Variants in SLC35B4 observed in about 807,000 individuals in gnomAD.
SLC35B4 encodes the protein nucleotide sugar transporter SLC35B4.
SLC35B4 carries 28 observed loss-of-function variants against 39.5 expected under a neutral mutation model. The observed-to-expected ratio is 0.71, with a 90% CI of 0.53 to 0.97. The LOEUF is 0.97. SLC35B4 is among the 50% of genes least tolerant of loss of function. The pLI is 0.00. For missense variants in SLC35B4, 334 were observed against 414.3 expected, an observed-to-expected ratio of 0.81 and a Z score of 1.68; for synonymous variants, 145 against 150.4, an observed-to-expected ratio of 0.96 and a Z score of 0.26.
rs891687066 is a variant in SLC35B4, at chr7:134,290,010, G to C, written c.*4823C>G. The C allele has an allele frequency of 6.6e-6, 1 of 152,154 alleles. No individual in the cohort carries two copies. The highest frequency in any genetic ancestry group is 1.5e-5 in the Non-Finnish European group (1 of 68,032). 9.4% of individuals were successfully genotyped at this position (152,154 alleles called of 1,614,324 possible). On this transcript the variant is annotated 3_prime_UTR_variant, in exon 10 of 10. Transcript: ENST00000378509. Reference sequence around the variant, plus strand: ...CAGACCAACAGACAGTGATCTCCAGGCATCAGCTTCAGCTGCTACAAGCTA... The same window carrying C: ...CAGACCAACAGACAGTGATCTCCAGCCATCAGCTTCAGCTGCTACAAGCTA...
At chr7:134,300,950 T>C (rs902162720) in intron 6 of SLC35B4, among the ~76,000 whole-genome samples, 10 of 152,308 alleles carry the variant, frequency 6.6e-5, no homozygotes, top group African/African-American at 2.2e-4. Context: ...CTCTGATTAC[T>C]AGACTAGTGA....
rs563780269 is a variant in SLC35B4, at chr7:134,315,527, C to T, written c.77+1148G>A. On this transcript the variant is annotated intron_variant, in intron 1 of 9. Coordinates refer to ENST00000378509, the MANE Select transcript of SLC35B4 (RefSeq NM_032826.5). ...TTATTAAAAATATTGTATACAATTA[C>T]CTTCAAGCTAAGGTTATGTGTATAA... Among the ~76,000 whole-genome samples the T allele has an allele frequency of 3.3e-5, 5 of 151,968 alleles. No homozygotes were observed. The East Asian group carries it at 9.7e-4, about 29-fold the overall frequency.
chr7:134,306,902 T>C, intron 2 of SLC35B4, 128 bp from the exon 3 acceptor site: 1 of 648,070 alleles, frequency 1.5e-6, no homozygotes, highest in Non-Finnish European at 2.7e-6. Flanking sequence ...ATTGCATCAC[T>C]ATTATGCCAT....
At chr7:134,302,650 T>C (rs1029681622) in intron 4 of SLC35B4, among the ~76,000 whole-genome samples, 1 of 152,128 alleles carries the variant, frequency 6.6e-6, no homozygotes, top group Non-Finnish European at 1.5e-5. Context: ...CATAGTTGGA[T>C]AAGGGGGAGG....
chr7:134,295,840 T>A (rs1803454219), intron 9 of SLC35B4, among the ~76,000 whole-genome samples: 1 of 152,184 alleles, frequency 6.6e-6, no homozygotes, highest in African/African-American at 2.4e-5. Flanking sequence ...GTTCTTTGTT[T>A]GTTTTTTGAG....
intron 2 of SLC35B4, among the ~76,000 whole-genome samples, chr7:134,307,579 GA>G (rs958010881): frequency 2.0e-4 from 30 of 152,200 alleles, no homozygotes; most frequent in African/African-American, 5.5e-4. Flanking sequence ...TTGAGTAAGA[GA>G]AAAAAACAGC....
rs1803587467 is a variant in SLC35B4, at chr7:134,301,795, A to G, written c.453T>C (p.Asn151=). Residue 151 remains asparagine, a synonymous_variant, in exon 6 of 10, where the codon AAT becomes AAC. Transcript: ENST00000378509. ...ACCACACAAATGCCTGGAATCCATC[A>G]TTCTCACTCAAGCTGGACTGGGAAG... The part of the protein sequence containing the change: ...QVTSQSSLSE[N]DGFQAFVWWL... 6.2e-7 allele frequency: 1 copy of G among 1,613,996 alleles called. No homozygotes were observed. Among genetic ancestry groups the G allele is most frequent in the African/African-American group, 1.3e-5 (1 of 74,934 alleles).
At position 134,296,450 on chromosome 7, in the gene SLC35B4, G is replaced by C. The variant is rs759867977; in HGVS notation, c.690C>G (p.Pro230=). ...LFNKSELYEI[P]VIGVTLPIMW... is the part of the protein sequence containing the mutation. ...TGATGGGCAGGGTCACTCCGATGAC[G>C]GGAATTTCATATAACTCTGTAGAGG... is the stretch of plus-strand genomic sequence containing the variant. The change falls in exon 9 of 10, where the codon CCC becomes CCG. Residue 230 remains proline (P), a synonymous_variant. Coordinates refer to ENST00000378509, the MANE Select transcript of SLC35B4 (RefSeq NM_032826.5). 1 of 1,613,454 alleles carries C rather than the reference G, an allele frequency of 6.2e-7. No homozygotes were observed. The highest frequency in any genetic ancestry group is 8.5e-7 in the Non-Finnish European group (1 of 1,179,530).
intron 1 of SLC35B4, among the ~76,000 whole-genome samples, chr7:134,310,915 A>C (rs1017586204): frequency 6.6e-6 from 1 of 152,316 alleles, no homozygotes; most frequent in South Asian, 2.1e-4. Context: ...GTATTATTAC[A>C]TATTAATATA....
Position 134,291,283 on chromosome 7 carries a change from A to AC in SLC35B4, c.*3549dup, listed in dbSNP as rs978516350. On this transcript the variant is annotated 3_prime_UTR_variant, in exon 10 of 10. Coordinates refer to ENST00000378509, the MANE Select transcript of SLC35B4 (RefSeq NM_032826.5). Reference sequence around the variant, plus strand: ...CAGATATTCTCACTATTATGAATGTACCCCCCAATATCAATGCTTGTAAGA... The same window carrying AC: ...CAGATATTCTCACTATTATGAATGTACCCCCCCAATATCAATGCTTGTAAGA... 4.6e-5 allele frequency: 7 copies of AC among 152,044 alleles called. No individual in the cohort carries two copies. The highest frequency in any genetic ancestry group is 7.4e-5 in the Non-Finnish European group (5 of 68,012). 9.4% of individuals were successfully genotyped at this position (152,044 alleles called of 1,614,324 possible).
chr7:134,305,664 C>A (rs1225634939), intron 3 of SLC35B4, among the ~76,000 whole-genome samples: 1 of 152,018 alleles, frequency 6.6e-6, no homozygotes, highest in Non-Finnish European at 1.5e-5. Flanking sequence ...GCACCTTCTA[C>A]CCCCGACCAG....
At chr7:134,305,484 G>T (rs941295845) in intron 3 of SLC35B4, among the ~76,000 whole-genome samples, 2 of 151,998 alleles carry the variant, frequency 1.3e-5, no homozygotes, top group Admixed American at 6.6e-5. Context: ...AAAAAAATTT[G>T]CATATTTGTG....
chr7:134,306,791 A>G lies in SLC35B4; in HGVS notation c.192-17T>C, dbSNP rs1482582386. ...GCATAGTACCTGAAATGCAGACAGA[A>G]CAGCTCATCAAACAGAATCTAGGAT... is the stretch of plus-strand genomic sequence containing the variant. On this transcript the variant is annotated splice_polypyrimidine_tract_variant and intron_variant, in intron 2 of 9. Coordinates refer to ENST00000378509, the MANE Select transcript of SLC35B4 (RefSeq NM_032826.5). The G allele has an allele frequency of 6.4e-7, 1 of 1,574,056 alleles. No individual in the cohort carries two copies. Among genetic ancestry groups the G allele is most frequent in the African/African-American group, 1.3e-5 (1 of 74,094 alleles).
chr7:134,308,681 CTAAA>C (rs935005373), intron 2 of SLC35B4, among the ~76,000 whole-genome samples: 12 of 152,198 alleles, frequency 7.9e-5, no homozygotes, highest in African/African-American at 2.4e-4. Context: ...CATCATCCTA[CTAAA>C]TACTCACAAC....
chr7:134,296,735 GA>G (rs1260926067), intron 8 of SLC35B4, among the ~76,000 whole-genome samples: 2 of 152,110 alleles, frequency 1.3e-5, no homozygotes, highest in Non-Finnish European at 2.9e-5. Flanking sequence ...ACTTTACAAA[GA>G]AAGACTGTGA....
chr7:134,304,605 C>A (rs1029010511), intron 4 of SLC35B4, among the ~76,000 whole-genome samples, 200 bp downstream of exon 4: 1 of 152,066 alleles, frequency 6.6e-6, no homozygotes, highest in Non-Finnish European at 1.5e-5. Flanking sequence ...CACAGAGACA[C>A]CACAGGTGTG....
At chr7:134,296,212 C>G (rs1803462184) in intron 9 of SLC35B4, among the ~76,000 whole-genome samples, 179 bp downstream of exon 9, 1 of 152,234 alleles carries the variant, frequency 6.6e-6, no homozygotes, top group Admixed American at 6.5e-5. Flanking sequence ...ACACCACTAG[C>G]ATCTCTTCTG....
At chr7:134,306,044 G>A (rs1477322278) in intron 3 of SLC35B4, among the ~76,000 whole-genome samples, 3 of 152,142 alleles carry the variant, frequency 2.0e-5, no homozygotes, top group Non-Finnish European at 4.4e-5. Flanking sequence ...ATCAACAGGT[G>A]TTTATTGAAA....
In SLC35B4 at chr7:134,289,902, T is replaced by A. The variant is rs916751560; in HGVS notation, c.*4931A>T. ...CTCCCTTGCAACTTGCCTCACTTGA[T>A]TAAAATTGACAAATTTTGGTAGGAC... On this transcript the variant is annotated 3_prime_UTR_variant, in exon 10 of 10. Transcript: ENST00000378509. 1.3e-5 allele frequency: 2 copies of A among 152,320 alleles called. No homozygotes were observed. Among genetic ancestry groups the A allele is most frequent in the African/African-American group, 4.8e-5 (2 of 41,580 alleles). The allele number at this position is 152,320 out of a possible 1,614,324, so 9.4% of individuals were successfully genotyped here.
Sources: allele counts gnomAD v4.1 joint callset (sites outside exome capture counted in the v4.1 genomes callset), GRCh38; gene constraint gnomAD v4.1.1; transcripts MANE v1.5; gene names NCBI Gene and HGNC (gene_info 2026-07-23, HGNC 2026-07-21).